Variants in TMEM132C observed in about 807,000 individuals in gnomAD.
TMEM132C encodes the protein protein phosphatase 1, regulatory subunit 152.
TMEM132C carries 29 observed loss-of-function variants against 61.4 expected under a neutral mutation model. The ratio of observed to expected loss-of-function variants is 0.47; its 90% CI spans 0.35 to 0.64. The LOEUF (loss-of-function observed/expected upper bound fraction) is 0.64, where lower values mean the gene tolerates loss of function less well. Among genes scored for constraint, TMEM132C ranks in the 30% least tolerant of loss-of-function variants. TMEM132C has a pLI of 0.00. For synonymous variants in TMEM132C, 656 were observed against 633.1 expected (o/e 1.04, Z -0.54); for missense variants, 1,408 against 1,476.9 (o/e 0.95, Z 0.76).
chr12:128,486,501 AG>A (rs1490541598), intron 2 of TMEM132C, among the ~76,000 whole-genome samples: 1 of 152,180 alleles, frequency 6.6e-6, no homozygotes, highest in Non-Finnish European at 1.5e-5. Flanking sequence ...CCTCCTTCTC[AG>A]TTAGCCTCAG....
At chr12:128,277,091 G>GT (rs1243056129) in intron 1 of TMEM132C, among the ~76,000 whole-genome samples, 1 of 152,184 alleles carries the variant, frequency 6.6e-6, no homozygotes, top group African/African-American at 2.4e-5. Context: ...CACTGAAGCA[G>GT]TTTTCCCTGT....
chr12:128,398,514 C>T (rs1252238620), intron 1 of TMEM132C, among the ~76,000 whole-genome samples: 8 of 152,054 alleles, frequency 5.3e-5, no homozygotes, highest in Admixed American at 2.0e-4. Flanking sequence ...GCACGTTGCC[C>T]GTCTGATGTG....
intron 2 of TMEM132C, among the ~76,000 whole-genome samples, chr12:128,441,302 C>T (rs561695991): frequency 6.6e-6 from 1 of 152,258 alleles, no homozygotes; most frequent in South Asian, 2.1e-4. Flanking sequence ...CACATAGTAC[C>T]CACCTGACTG....
chr12:128,352,029 A>T (rs1873351793), intron 1 of TMEM132C, among the ~76,000 whole-genome samples: 1 of 152,144 alleles, frequency 6.6e-6, no homozygotes, highest in Non-Finnish European at 1.5e-5. Context: ...GGCAGGAAAA[A>T]TGTCTTACTC....
chr12:128,679,650 A>T (rs1314167018), intron 5 of TMEM132C, among the ~76,000 whole-genome samples: 2 of 152,164 alleles, frequency 1.3e-5, no homozygotes, highest in African/African-American at 4.8e-5. Context: ...TCCTTTCATC[A>T]AAGCTATGAT....
At chr12:128,690,362 T>G (rs1186187342) in intron 5 of TMEM132C, among the ~76,000 whole-genome samples, 1 of 152,186 alleles carries the variant, frequency 6.6e-6, no homozygotes, top group East Asian at 1.9e-4. Context: ...TTTCATATGA[T>G]AGTTCTCACT....
intron 2 of TMEM132C, among the ~76,000 whole-genome samples, chr12:128,463,539 G>A (rs188236342): frequency 2.3e-4 from 35 of 152,032 alleles, no homozygotes; most frequent in African/African-American, 7.7e-4. Context: ...GGCTGGTCTG[G>A]AACTCCTGAC....
At chr12:128,551,209 G>GGCCCC (rs1565971797) in intron 3 of TMEM132C, among the ~76,000 whole-genome samples, 1 of 147,118 alleles carries the variant, frequency 6.8e-6, no homozygotes, top group African/African-American at 2.7e-5. Context: ...AAACATAAGA[G>GGCCCC]CCCCCCCCCT....
intron 2 of TMEM132C, among the ~76,000 whole-genome samples, chr12:128,466,201 AAAG>A (rs1395573886): frequency 6.6e-6 from 1 of 152,094 alleles, no homozygotes; most frequent in Non-Finnish European, 1.5e-5. Context: ...AGAGCACAGG[AAAG>A]AAGGAGCCAG....
At chr12:128,674,571 CG>C (rs1349878006) in intron 5 of TMEM132C, among the ~76,000 whole-genome samples, 1 of 152,152 alleles carries the variant, frequency 6.6e-6, no homozygotes, top group African/African-American at 2.4e-5. Flanking sequence ...TGCATTCTCA[CG>C]AGTCATATCT....
At chr12:128,585,011 A>G (rs1336354189) in intron 3 of TMEM132C, among the ~76,000 whole-genome samples, 3 of 152,204 alleles carry the variant, frequency 2.0e-5, no homozygotes, top group African/African-American at 7.2e-5. Context: ...CCTAGATTCC[A>G]GGGTAACAGT....
chr12:128,406,471 G>A (rs1875348835), intron 1 of TMEM132C, among the ~76,000 whole-genome samples: 1 of 152,162 alleles, frequency 6.6e-6, no homozygotes, highest in African/African-American at 2.4e-5. Context: ...AATTACAGCT[G>A]TGTGAAAAGA....
intron 2 of TMEM132C, among the ~76,000 whole-genome samples, chr12:128,503,239 G>A (rs529173211): frequency 6.6e-6 from 1 of 152,326 alleles, no homozygotes; most frequent in South Asian, 2.1e-4. Flanking sequence ...ATCTATGCAT[G>A]GGGCTTTCGG....
At chr12:128,543,636 G>C (rs1416614169) in intron 2 of TMEM132C, among the ~76,000 whole-genome samples, 1 of 152,118 alleles carries the variant, frequency 6.6e-6, no homozygotes, top group Non-Finnish European at 1.5e-5. Context: ...AGAGCCCCCT[G>C]AGTGAGGAGA....
chr12:128,693,709 C>A, intron 5 of TMEM132C, 120 bp from the exon 6 acceptor site: 1 of 1,184,628 alleles, frequency 8.4e-7, no homozygotes, highest in Non-Finnish European at 1.2e-6. Context: ...TCAGGCTCTG[C>A]TTTAGGAGAA....
intron 1 of TMEM132C, among the ~76,000 whole-genome samples, chr12:128,312,997 C>A (rs1365521738): frequency 2.0e-5 from 3 of 152,226 alleles, no homozygotes; most frequent in Non-Finnish European, 4.4e-5. Flanking sequence ...CAGCCTGCTC[C>A]ATCCTCCCTC....
intron 1 of TMEM132C, among the ~76,000 whole-genome samples, chr12:128,397,359 C>T (rs1373224745): frequency 6.6e-6 from 1 of 152,130 alleles, no homozygotes; most frequent in African/African-American, 2.4e-5. Context: ...TTGTGAGTGC[C>T]TTTTTTTGTG....
intron 1 of TMEM132C, among the ~76,000 whole-genome samples, chr12:128,383,168 G>C (rs1014837093): frequency 3.9e-5 from 6 of 152,128 alleles, no homozygotes; most frequent in African/African-American, 1.4e-4. Context: ...ACCTGTGCAT[G>C]TGTGTCAGTG....
At chr12:128,681,601 C>T (rs11059826) in intron 5 of TMEM132C, among the ~76,000 whole-genome samples, 4 of 151,362 alleles carry the variant, frequency 2.6e-5, no homozygotes, top group African/African-American at 9.7e-5. Context: ...TGATCACAGT[C>T]TCTGACAAGT....
Sources: allele counts gnomAD v4.1 joint callset (sites outside exome capture counted in the v4.1 genomes callset), GRCh38; gene constraint gnomAD v4.1.1; transcripts MANE v1.5; gene names NCBI Gene and HGNC (gene_info 2026-07-23, HGNC 2026-07-21).